AK9: variants seen among roughly 807,000 people sequenced by gnomAD.
The protein encoded by AK9 is adenylate kinase domain containing 1.
AK9 carries 191 observed loss-of-function variants against 239.6 expected under a neutral mutation model. The observed-to-expected ratio is 0.80, with a 90% confidence interval of 0.71 to 0.90. The LOEUF (loss-of-function observed/expected upper bound fraction) is 0.90, where lower values mean the gene tolerates loss of function less well. AK9 is among the 40% of genes least tolerant of loss of function. The pLI is 0.00. For missense variants in AK9, 1,995 were observed against 2,214.7 expected (o/e 0.90, Z 1.99); for synonymous variants, 689 against 721.0 (o/e 0.96, Z 0.71).
At position 109,585,982 on chromosome 6, in the gene AK9, T is replaced by C. The variant is rs1789459006; in HGVS notation, c.1933A>G (p.Met645Val). ...DNCPIVKELWMALIKKGIIPD... is the reference protein window; with the variant it reads ...DNCPIVKELWVALIKKGIIPD... ...ATAATTCCTTTCTTGATTAAGGCCATCCACAATTCTTTTACAATAGGGCAG... is the reference window on the plus strand; with the variant it reads ...ATAATTCCTTTCTTGATTAAGGCCACCCACAATTCTTTTACAATAGGGCAG... The change falls in exon 18 of 41, where the codon ATG becomes GTG. Residue 645 changes from methionine (M) to valine (V), a missense_variant. This residue lies in a region of AK9 where 1,290 missense variants were observed against 1,392.7 expected (regional missense o/e 0.93). Transcript: ENST00000424296. The C allele has an allele frequency of 6.4e-7, 1 of 1,551,396 alleles. No individual in the cohort carries two copies. The highest frequency in any genetic ancestry group is 8.7e-7 in the Non-Finnish European group (1 of 1,146,906).
chr6:109,591,137 T>C (rs13201897), intron 17 of AK9, among the ~76,000 whole-genome samples: 13 of 152,324 alleles, frequency 8.5e-5, no homozygotes, highest in African/African-American at 2.9e-4. Context: ...CCTACTATGA[T>C]TGCATTGCTG....
At chr6:109,687,526 G>A (rs1243377955) in intron 1 of AK9, among the ~76,000 whole-genome samples, 1 of 152,182 alleles carries the variant, frequency 6.6e-6, no homozygotes, top group East Asian at 1.9e-4. Context: ...TGTTGTGAGA[G>A]GACCACGTGA....
At chr6:109,618,500 C>T (rs1467081387) in intron 13 of AK9, among the ~76,000 whole-genome samples, 2 of 151,294 alleles carry the variant, frequency 1.3e-5, no homozygotes, top group Non-Finnish European at 2.9e-5. Flanking sequence ...CAGGAAGAGG[C>T]AGAATGGTCA....
intron 39 of AK9, among the ~76,000 whole-genome samples, chr6:109,495,012 A>G (rs150423807): frequency 2.0e-5 from 3 of 152,342 alleles, no homozygotes; most frequent in East Asian, 3.9e-4. Flanking sequence ...GAATCTGCAC[A>G]TTTCAAATTA....
chr6:109,538,555 A>C (rs1782359763), intron 27 of AK9, among the ~76,000 whole-genome samples: 2 of 151,978 alleles, frequency 1.3e-5, no homozygotes, highest in Admixed American at 1.3e-4. Flanking sequence ...TTGACTCTTT[A>C]TCCAATTTGC....
Position 109,585,971 on chromosome 6 carries a change from G to A in AK9, c.1944C>T (p.Ile648=), listed in dbSNP as rs1340205115. The change falls in exon 18 of 41, where the codon ATC becomes ATT. Residue 648 remains isoleucine (I), a synonymous_variant. Transcript: ENST00000424296. The part of the protein sequence containing the change: ...PIVKELWMAL[I]KKGIIPDLVI... ...CCAAATCAGGTATAATTCCTTTCTT[G>A]ATTAAGGCCATCCACAATTCTTTTA... 1 of 1,551,118 alleles carries A rather than the reference G, an allele frequency of 6.4e-7. No individual in the cohort carries two copies. Among genetic ancestry groups the A allele is most frequent in the Non-Finnish European group, 8.7e-7 (1 of 1,146,730 alleles).
At chr6:109,592,884 T>C (rs1199539802) in intron 17 of AK9, among the ~76,000 whole-genome samples, 2 of 152,170 alleles carry the variant, frequency 1.3e-5, no homozygotes, top group Non-Finnish European at 2.9e-5. Flanking sequence ...AATAGTTTTC[T>C]GATCTTCTTA....
At chr6:109,601,371 A>G (rs1791932346) in intron 17 of AK9, among the ~76,000 whole-genome samples, 1 of 152,134 alleles carries the variant, frequency 6.6e-6, no homozygotes, top group Non-Finnish European at 1.5e-5. Context: ...TTGAGTTTCG[A>G]TGTAGTTGAG....
intron 10 of AK9, among the ~76,000 whole-genome samples, chr6:109,640,814 G>C (rs1797331020): frequency 6.6e-6 from 1 of 152,122 alleles, no homozygotes; most frequent in Non-Finnish European, 1.5e-5. Context: ...GCAATTGGCA[G>C]TTATAATCTG....
At chr6:109,604,167 G>C (rs1005146546) in intron 17 of AK9, among the ~76,000 whole-genome samples, 4 of 152,136 alleles carry the variant, frequency 2.6e-5, no homozygotes, top group Admixed American at 2.6e-4. Context: ...CGTCATTCAC[G>C]CTGGGAGCTG....
At chr6:109,537,777 T>C (rs971046858) in intron 27 of AK9, among the ~76,000 whole-genome samples, 1 of 152,096 alleles carries the variant, frequency 6.6e-6, no homozygotes, top group African/African-American at 2.4e-5. Context: ...CTGCTTTAAA[T>C]GTGTCCCAGA....
At chr6:109,563,987 T>C (rs1457680121) in intron 23 of AK9, 93 bp downstream of exon 23, 18 of 1,271,038 alleles carry the variant, frequency 1.4e-5, no homozygotes, top group Non-Finnish European at 1.8e-5. Context: ...GAACATTTAC[T>C]TCATAAACCA....
In AK9 at chr6:109,533,359, T is replaced by C; in HGVS notation, c.3462A>G (p.Gln1154=). 6.2e-7 allele frequency: 1 copy of C among 1,611,630 alleles called. No individual in the cohort carries two copies. Among genetic ancestry groups the C allele is most frequent in the Non-Finnish European group, 8.5e-7 (1 of 1,178,990 alleles). The change falls in exon 28 of 41, where the codon CAA becomes CAG. Residue 1154 remains glutamine (Q), a synonymous_variant. Coordinates refer to ENST00000424296, the MANE Select transcript of AK9 (RefSeq NM_001145128.3). ...CAGGAAGGAGGCGATCAAAAATATC[T>C]TGATCATCAACTTGTATAAAAACAG... ...DAAVFIQVDD[Q]DIFDRLLPAQ... is the part of the protein sequence containing the mutation.
At chr6:109,558,185 T>C (rs1362326413) in intron 24 of AK9, among the ~76,000 whole-genome samples, 1 of 152,188 alleles carries the variant, frequency 6.6e-6, no homozygotes, top group Admixed American at 6.5e-5. Flanking sequence ...TCCAAGTTTG[T>C]CTTTTCATTC....
At chr6:109,688,522 T>C (rs1308909622) in intron 1 of AK9, among the ~76,000 whole-genome samples, 1 of 152,208 alleles carries the variant, frequency 6.6e-6, no homozygotes, top group Non-Finnish European at 1.5e-5. Flanking sequence ...GAATGGTCTC[T>C]TAAAGGCACA....
intron 17 of AK9, among the ~76,000 whole-genome samples, chr6:109,590,617 G>C (rs1197193398): frequency 2.6e-5 from 4 of 152,082 alleles, no homozygotes; most frequent in Non-Finnish European, 4.4e-5. Context: ...ATGTTACATT[G>C]TTAATTTGAG....
At chr6:109,615,111 G>A (rs1177336536) in intron 13 of AK9, among the ~76,000 whole-genome samples, 1 of 152,164 alleles carries the variant, frequency 6.6e-6, no homozygotes, top group African/African-American at 2.4e-5. Context: ...CAGGAGCCCG[G>A]CTAACTTCCT....
chr6:109,538,914 A>C (rs1004646673), intron 27 of AK9, among the ~76,000 whole-genome samples: 9 of 152,156 alleles, frequency 5.9e-5, no homozygotes, highest in Non-Finnish European at 1.3e-4. Flanking sequence ...CTTTTCTTTA[A>C]GAATGTTGAA....
Position 109,529,016 on chromosome 6 carries a change from T to A in AK9, c.3628A>T (p.Arg1210Trp). 6.2e-7 allele frequency: 1 copy of A among 1,602,162 alleles called. No individual in the cohort carries two copies. ...AAAAAAACAAAACTACTTACCTCCC[T>A]CCTTTTTTTATCTCTCTCTAATATA... The part of the protein sequence containing the change: ...ELILERDKKR[R>W]ENVVRDDEEI... Residue 1210 changes from arginine to tryptophan, a missense_variant, in exon 29 of 41, where the codon AGG becomes TGG. Arg to Trp is a moderately radical substitution (Grantham distance 101). This residue lies in a region of AK9 where 1,290 missense variants were observed against 1,392.7 expected (regional missense o/e 0.93). Transcript: ENST00000424296.
Sources: gnomAD v4.1 joint callset for allele counts (sites outside exome capture counted in the v4.1 genomes callset) on GRCh38, gnomAD v4.1.1 for gene constraint, gnomAD v4.1.1 regional missense constraint, MANE v1.5 for transcripts, NCBI Gene and HGNC (gene_info 2026-07-23, HGNC 2026-07-21) for gene names.